Variants in HACD2 observed in about 807,000 individuals in gnomAD.
HACD2 encodes very-long-chain (3R)-3-hydroxyacyl-CoA dehydratase 2.
In HACD2, 15 loss-of-function variants were observed where a neutral mutation model predicts 31.0. The observed-to-expected ratio is 0.48, with a 90% CI of 0.32 to 0.75. The LOEUF (loss-of-function observed/expected upper bound fraction) is 0.75, where lower values mean the gene tolerates loss of function less well. Ranked by LOEUF, HACD2 falls within the 30% of genes least tolerant of loss-of-function variation. The pLI, the probability that HACD2 is intolerant of heterozygous loss-of-function variation, is 0.03. For synonymous variants in HACD2, 115 were observed against 122.2 expected (o/e 0.94, Z 0.39); for missense variants, 283 against 313.0 (o/e 0.90, Z 0.72).
At chr3:123,584,326 C>T (rs2057000201) in intron 1 of HACD2, 1 of 152,336 alleles carries the variant, frequency 6.6e-6, no homozygotes, top group African/African-American at 2.4e-5. Flanking sequence ...CCCAACCCAT[C>T]CTAAAAGTCT....
intron 3 of HACD2, among the ~76,000 whole-genome samples, chr3:123,565,129 T>C (rs1409849480): frequency 6.6e-6 from 1 of 152,174 alleles, no homozygotes; most frequent in Non-Finnish European, 1.5e-5. Flanking sequence ...TGCTAGGCGT[T>C]CGATAATTTT....
intron 4 of HACD2, among the ~76,000 whole-genome samples, chr3:123,517,313 G>A (rs888944126): frequency 1.3e-5 from 2 of 152,172 alleles, no homozygotes; most frequent in Non-Finnish European, 2.9e-5. Context: ...CTCACCAGCT[G>A]CTAGTCTTTC....
At chr3:123,555,511 A>G (rs1314228411) in intron 3 of HACD2, among the ~76,000 whole-genome samples, 2 of 152,216 alleles carry the variant, frequency 1.3e-5, no homozygotes, top group African/African-American at 4.8e-5. Flanking sequence ...CCAAATAAAA[A>G]CACATATAAC....
chr3:123,562,315 T>C (rs116244574), intron 3 of HACD2, among the ~76,000 whole-genome samples: 1 of 152,164 alleles, frequency 6.6e-6, no homozygotes, highest in South Asian at 2.1e-4. Context: ...CCATGGATTT[T>C]AGTTGATTGT....
At chr3:123,501,777 T>C (rs954787747) in intron 5 of HACD2, among the ~76,000 whole-genome samples, 2 of 152,126 alleles carry the variant, frequency 1.3e-5, no homozygotes, top group African/African-American at 4.8e-5. Flanking sequence ...TCATTGCAAA[T>C]GAGAAAAATA....
intron 3 of HACD2, among the ~76,000 whole-genome samples, chr3:123,533,606 C>T (rs1318708316): frequency 6.6e-6 from 1 of 152,190 alleles, no homozygotes; most frequent in Non-Finnish European, 1.5e-5. Context: ...ATGACAGAGA[C>T]ATTCTGGAAT....
Position 123,493,486 on chromosome 3 carries a change from A to C in HACD2, c.*1402T>G, listed in dbSNP as rs1037305338. On this transcript the variant is annotated 3_prime_UTR_variant, in exon 7 of 7. Coordinates refer to ENST00000383657, the MANE Select transcript of HACD2 (RefSeq NM_198402.5). ...CAACATCAACCCCCACCCTGCCCCC[A>C]AAAAAAGGCAGCTGCAGGGGATGGG... The C allele has an allele frequency of 3.3e-5, 5 of 152,320 alleles. No individual in the cohort carries two copies. The highest frequency in any genetic ancestry group is 3.9e-4 in the East Asian group (2 of 5,188). 9.4% of individuals were successfully genotyped at this position (152,320 alleles called of 1,614,324 possible). A position where few individuals can be genotyped will look rare whatever the true frequency, so the allele number is the denominator to read the frequency against.
At chr3:123,539,154 T>C (rs2720320) in intron 3 of HACD2, among the ~76,000 whole-genome samples, 118,309 of 152,086 alleles carry the variant, frequency 0.78, 48,071 homozygotes, top group Non-Finnish European at 0.89. Context: ...CCCAAAGGTG[T>C]CTCATTTAAG....
Position 123,585,014 on chromosome 3 carries a change from G to T in HACD2, c.14C>A (p.Ala5Glu), listed in dbSNP as rs1441850939. MAAV[A>E]ATAAAKGNGG... The stretch of plus-strand genomic sequence containing the variant: ...ATTCCCCTTCGCTGCTGCAGTCGCC[G>T]CCACTGCCGCCATGTCAAGTGCCCG... The change falls in exon 1 of 7, where the codon GCG (alanine) becomes GAG (glutamate). Residue 5 changes from alanine to glutamate, a missense_variant. Physicochemically the swap from Ala to Glu is moderately radical, Grantham distance 107. Transcript: ENST00000383657. 1 of 1,472,110 alleles carries T rather than the reference G, an allele frequency of 6.8e-7. No homozygotes were observed. 91.2% of individuals were successfully genotyped at this position (1,472,110 alleles called of 1,614,324 possible).
chr3:123,570,669 C>T (rs779409609), intron 2 of HACD2, among the ~76,000 whole-genome samples: 23 of 152,084 alleles, frequency 1.5e-4, no homozygotes, highest in Non-Finnish European at 2.5e-4. Flanking sequence ...AGGAAAGTAT[C>T]ACAGAAAATC....
At chr3:123,510,578 A>AT (rs2056046605) in intron 4 of HACD2, among the ~76,000 whole-genome samples, 1 of 152,226 alleles carries the variant, frequency 6.6e-6, no homozygotes, top group African/African-American at 2.4e-5. Context: ...TGTCTGGTTC[A>AT]TCTATGTGGT....
chr3:123,533,305 C>T (rs1213965461), intron 3 of HACD2, among the ~76,000 whole-genome samples: 5 of 152,280 alleles, frequency 3.3e-5, no homozygotes, highest in Non-Finnish European at 7.4e-5. Context: ...TGTGCCACCA[C>T]GCCCAGCTAA....
intron 4 of HACD2, among the ~76,000 whole-genome samples, chr3:123,519,288 G>A (rs1425318636): frequency 6.6e-6 from 1 of 152,126 alleles, no homozygotes; most frequent in Non-Finnish European, 1.5e-5. Context: ...AATTCCAGAA[G>A]TACACCAGGG....
In HACD2 at chr3:123,585,032, A is replaced by G; in HGVS notation, c.-5T>C. ...AGTCGCCGCCACTGCCGCCATGTCA[A>G]GTGCCCGAAGCCCGCTCTCCTAGCG... On this transcript the variant is annotated 5_prime_UTR_variant, in exon 1 of 7. Transcript: ENST00000383657. 3.4e-6 allele frequency: 5 copies of G among 1,486,374 alleles called. No homozygotes were observed. Among genetic ancestry groups the G allele is most frequent in the East Asian group, 2.9e-5 (1 of 34,622 alleles). 92.1% of individuals were successfully genotyped at this position (1,486,374 alleles called of 1,614,324 possible). A position where few individuals can be genotyped will look rare whatever the true frequency, so the allele number is the denominator to read the frequency against.
intron 4 of HACD2, among the ~76,000 whole-genome samples, chr3:123,504,700 C>A (rs1214900077): frequency 1.3e-5 from 2 of 152,110 alleles, no homozygotes; most frequent in African/African-American, 4.8e-5. Context: ...TTCCCAGAGC[C>A]CAGCTGTGAA....
At chr3:123,501,835 G>C (rs2107680845) in intron 5 of HACD2, among the ~76,000 whole-genome samples, 1 of 152,244 alleles carries the variant, frequency 6.6e-6, no homozygotes, top group South Asian at 2.1e-4. Flanking sequence ...GAAACAATCG[G>C]ATTATGTCCC....
At chr3:123,511,925 G>A (rs566700323) in intron 4 of HACD2, among the ~76,000 whole-genome samples, 138 of 152,296 alleles carry the variant, frequency 9.1e-4, no homozygotes, top group Non-Finnish European at 1.5e-3. Context: ...TGCTGGTGAA[G>A]AGCCCGTTGC....
chr3:123,512,757 G>A (rs2056079719), intron 4 of HACD2, among the ~76,000 whole-genome samples: 1 of 152,164 alleles, frequency 6.6e-6, no homozygotes, highest in Non-Finnish European at 1.5e-5. Context: ...TGGTTGGAGG[G>A]ATCAGTATGA....
At chr3:123,570,917 TAC>T (rs149856963) in intron 2 of HACD2, among the ~76,000 whole-genome samples, 279 of 144,218 alleles carry the variant, frequency 1.9e-3, no homozygotes, top group Non-Finnish European at 2.4e-3. Context: ...TTCATACCAT[TAC>T]ACACACACAC....
Sources: gnomAD v4.1 joint callset for allele counts (sites outside exome capture counted in the v4.1 genomes callset) on GRCh38, gnomAD v4.1.1 for gene constraint, MANE v1.5 for transcripts, NCBI Gene and HGNC (gene_info 2026-07-23, HGNC 2026-07-21) for gene names.